ZDHHC14: variants seen among roughly 807,000 people sequenced by gnomAD.
ZDHHC14 encodes zDHHC palmitoyltransferase 14, also known as palmitoyltransferase ZDHHC14.
A neutral mutation model predicts 47.7 loss-of-function variants in ZDHHC14; 16 were observed. The observed-to-expected ratio is 0.34, with a 90% CI of 0.23 to 0.51. The LOEUF (loss-of-function observed/expected upper bound fraction) is 0.51. ZDHHC14 is among the 20% of genes least tolerant of loss of function. The pLI, the probability that ZDHHC14 is intolerant of heterozygous loss-of-function variation, is 0.97. For synonymous variants in ZDHHC14, 293 were observed against 278.9 expected (o/e 1.05, Z -0.50); for missense variants, 515 against 662.5 (o/e 0.78, Z 2.44).
At chr6:157,606,857 AAATG>A (rs1323631428) in intron 3 of ZDHHC14, among the ~76,000 whole-genome samples, 1 of 152,238 alleles carries the variant, frequency 6.6e-6, no homozygotes, top group Non-Finnish European at 1.5e-5. Context: ...ACTAACGTCT[AAATG>A]AAATTGAATA....
chr6:157,519,717 T>C (rs1780845971), intron 1 of ZDHHC14, among the ~76,000 whole-genome samples: 2 of 152,216 alleles, frequency 1.3e-5, no homozygotes. Context: ...CTCTCAGCTC[T>C]TCCTCTGCAA....
chr6:157,596,327 G>A (rs1784127622), intron 3 of ZDHHC14, among the ~76,000 whole-genome samples: 1 of 152,212 alleles, frequency 6.6e-6, no homozygotes, highest in East Asian at 1.9e-4. Flanking sequence ...AAGTAGCACA[G>A]TGGTATGCTG....
chr6:157,443,064 A>G lies in ZDHHC14; in HGVS notation c.245+60798A>G, dbSNP rs569689485. On this transcript the variant is annotated intron_variant, in intron 1 of 8. Coordinates refer to ENST00000359775, the MANE Select transcript of ZDHHC14 (RefSeq NM_024630.3). ...TTGTAATCTGAATTGTAAACCCCAT[A>G]TGTTGGGGGAGGGACCTCGTGGGAG... Among the ~76,000 whole-genome samples, 6 of 152,050 alleles carry G rather than the reference A, an allele frequency of 3.9e-5. No individual in the cohort carries two copies. The East Asian group carries it at 5.8e-4, about 15-fold the overall frequency.
chr6:157,384,909 ATTGT>A, intron 1 of ZDHHC14, among the ~76,000 whole-genome samples: 1 of 152,162 alleles, frequency 6.6e-6, no homozygotes, highest in East Asian at 1.9e-4. Flanking sequence ...CTCTATTTTG[ATTGT>A]TTAATTTCAT....
chr6:157,622,037 A>G (rs1785211738), intron 3 of ZDHHC14, among the ~76,000 whole-genome samples: 2 of 152,098 alleles, frequency 1.3e-5, no homozygotes. Flanking sequence ...TGGTGCTTCC[A>G]GCAGATACTC....
intron 3 of ZDHHC14, among the ~76,000 whole-genome samples, chr6:157,618,995 A>G (rs1432753064): frequency 6.6e-6 from 1 of 152,104 alleles, no homozygotes; most frequent in African/African-American, 2.4e-5. Flanking sequence ...TGGCTTCATA[A>G]TCATCTTTGT....
chr6:157,618,578 T>C (rs544293955), intron 3 of ZDHHC14, among the ~76,000 whole-genome samples: 73 of 152,226 alleles, frequency 4.8e-4, no homozygotes, highest in African/African-American at 1.8e-3. Flanking sequence ...CACCTCGGCC[T>C]CCCAAAGTGC....
intron 1 of ZDHHC14, among the ~76,000 whole-genome samples, chr6:157,527,535 A>C (rs569361047): frequency 6.6e-6 from 1 of 152,284 alleles, no homozygotes; most frequent in African/African-American, 2.4e-5. Context: ...TCAAAACCTC[A>C]ACTGATGGAA....
chr6:157,398,269 G>A (rs1257514308), intron 1 of ZDHHC14, among the ~76,000 whole-genome samples: 1 of 152,222 alleles, frequency 6.6e-6, no homozygotes, highest in Non-Finnish European at 1.5e-5. Context: ...GGGCCCAAAA[G>A]TGCCAGGCCA....
intron 1 of ZDHHC14, among the ~76,000 whole-genome samples, chr6:157,394,750 A>G (rs983048289): frequency 6.6e-6 from 1 of 152,134 alleles, no homozygotes; most frequent in Non-Finnish European, 1.5e-5. Flanking sequence ...TTAACCCACT[A>G]TATCTTGGGG....
chr6:157,482,125 G>T (rs537773473), intron 1 of ZDHHC14, among the ~76,000 whole-genome samples: 1 of 152,254 alleles, frequency 6.6e-6, no homozygotes, highest in African/African-American at 2.4e-5. Flanking sequence ...TCTTCTTGAT[G>T]TTCTGAGAGT....
At chr6:157,544,662 C>T (rs1038105858) in intron 2 of ZDHHC14, among the ~76,000 whole-genome samples, 1 of 97,062 alleles carries the variant, frequency 1.0e-5, no homozygotes, top group African/African-American at 6.6e-5. Context: ...ACAACAACAA[C>T]AACAACAACA....
chr6:157,545,366 A>G (rs573211854), intron 2 of ZDHHC14, among the ~76,000 whole-genome samples: 105 of 150,320 alleles, frequency 7.0e-4, no homozygotes, highest in African/African-American at 2.5e-3. Context: ...TTATACCTCT[A>G]TGAAGATGTA....
intron 2 of ZDHHC14, among the ~76,000 whole-genome samples, chr6:157,572,358 G>C (rs1318374814): frequency 6.6e-6 from 1 of 152,088 alleles, no homozygotes; most frequent in Non-Finnish European, 1.5e-5. Flanking sequence ...AGATGATCCC[G>C]ATCATCAGCC....
chr6:157,424,540 A>G (rs2114773901), intron 1 of ZDHHC14, among the ~76,000 whole-genome samples: 1 of 152,286 alleles, frequency 6.6e-6, no homozygotes, highest in South Asian at 2.1e-4. Flanking sequence ...CTCTAAGCGG[A>G]ACACCTGATT....
intron 7 of ZDHHC14, 80 bp downstream of exon 7, chr6:157,647,448 C>T (rs975350110): frequency 1.7e-6 from 2 of 1,145,346 alleles, no homozygotes; most frequent in Non-Finnish European, 2.5e-6. Context: ...GCCGCCCGCC[C>T]TGGTGGAATG....
At chr6:157,641,202 A>G (rs1350249391) in intron 5 of ZDHHC14, among the ~76,000 whole-genome samples, 61 of 152,020 alleles carry the variant, frequency 4.0e-4, no homozygotes, top group Non-Finnish European at 9.0e-4. Context: ...GAAGTAGTGA[A>G]TTTTCTTCTG....
chr6:157,553,842 C>T (rs1168679937), intron 2 of ZDHHC14, among the ~76,000 whole-genome samples: 3 of 152,118 alleles, frequency 2.0e-5, no homozygotes, highest in Non-Finnish European at 4.4e-5. Flanking sequence ...CTGACATGGG[C>T]AGCACTCAGA....
At position 157,566,890 on chromosome 6, in the gene ZDHHC14, G is replaced by A. The variant is rs149062451; in HGVS notation, c.406+24145G>A. On this transcript the variant is annotated intron_variant, in intron 2 of 8. Coordinates refer to ENST00000359775, the MANE Select transcript of ZDHHC14 (RefSeq NM_024630.3). ...TTTTGAGTCAGAGTCTTGCTCTGTCGCCCAGGCTGGAGTGCAGTGGTGTGA... is the reference window on the plus strand; with the variant it reads ...TTTTGAGTCAGAGTCTTGCTCTGTCACCCAGGCTGGAGTGCAGTGGTGTGA... 7.9e-3 allele frequency among the ~76,000 whole-genome samples: 1,158 copies of A among 146,638 alleles called. 13 individuals carry two copies. Among genetic ancestry groups the A allele is most frequent in the African/African-American group, 0.028 (1,101 of 39,456 alleles).
Sources: gnomAD v4.1 joint callset for allele counts (sites outside exome capture counted in the v4.1 genomes callset) on GRCh38, gnomAD v4.1.1 for gene constraint, MANE v1.5 for transcripts, NCBI Gene and HGNC (gene_info 2026-07-23, HGNC 2026-07-21) for gene names.